The following SPTB variants were observed in gnomAD, a reference collection of about 807,000 sequenced individuals.
The protein encoded by SPTB is spectrin beta, erythrocytic.
Under a neutral mutation model 256.2 loss-of-function variants are expected in SPTB, and 45 were observed. The observed-to-expected ratio is 0.18, with a 90% CI of 0.14 to 0.23. The LOEUF (loss-of-function observed/expected upper bound fraction) is 0.23. Ranked by LOEUF, SPTB falls within the 10% of genes least tolerant of loss-of-function variation. The pLI, the probability that SPTB is intolerant of heterozygous loss-of-function variation, is 1.00. For missense variants in SPTB, 2,715 were observed against 3,040.4 expected, an observed-to-expected ratio of 0.89 and a Z score of 2.52; for synonymous variants, 1,231 against 1,243.1, an observed-to-expected ratio of 0.99 and a Z score of 0.21.
intron 7 of SPTB, among the ~76,000 whole-genome samples, 191 bp downstream of exon 7, chr14:64,801,094 C>T (rs971623768): frequency 6.6e-6 from 1 of 152,258 alleles, no homozygotes; most frequent in Non-Finnish European, 1.5e-5. Flanking sequence ...ACCAGGCAGG[C>T]ATGGGAACCA....
At position 64,823,749 on chromosome 14, in the gene SPTB, C is replaced by G. The variant is rs1488466108; in HGVS notation, c.-51-604G>C. Among the ~76,000 whole-genome samples the G allele has an allele frequency of 6.6e-6, 1 of 152,172 alleles. No homozygotes were observed. Among genetic ancestry groups the G allele is most frequent in the Non-Finnish European group, 1.5e-5 (1 of 68,030 alleles). On this transcript the variant is annotated intron_variant, in intron 1 of 35. Transcript: ENST00000644917. This position sits in a 1 kb window ranked among gnomAD's most constrained non-coding sequence, Gnocchi z 6.5. ...TTCTGAGAGCCCTCTGAGTTCCTTC[C>G]CAGCAGTTGGTATTCAGAAAGCTGA...
At chr14:64,870,136 A>G (rs984667262) in intron 1 of SPTB, among the ~76,000 whole-genome samples, 3 of 152,176 alleles carry the variant, frequency 2.0e-5, no homozygotes, top group Non-Finnish European at 4.4e-5. Context: ...AGGGTACTGT[A>G]AAAATACAAA....
At chr14:64,810,517 T>G (rs548077872) in intron 2 of SPTB, among the ~76,000 whole-genome samples, 1 of 152,198 alleles carries the variant, frequency 6.6e-6, no homozygotes, top group Admixed American at 6.5e-5. Context: ...CCGTCTCTAC[T>G]AAAAATATAA....
intron 1 of SPTB, among the ~76,000 whole-genome samples, chr14:64,836,505 A>G (rs922250948): frequency 6.6e-6 from 1 of 151,900 alleles, no homozygotes; most frequent in Non-Finnish European, 1.5e-5. Context: ...GTCAAGGCAA[A>G]ACAAAAAAAA....
chr14:64,774,913 G>A (rs2082334789), intron 23 of SPTB, among the ~76,000 whole-genome samples: 1 of 152,126 alleles, frequency 6.6e-6, no homozygotes. Context: ...AACCTAAGTG[G>A]GTAAACAGGA....
At chr14:64,776,253 T>C (rs1033379729) in intron 22 of SPTB, among the ~76,000 whole-genome samples, 1 of 152,194 alleles carries the variant, frequency 6.6e-6, no homozygotes, top group Non-Finnish European at 1.5e-5. Flanking sequence ...GGCCAGCATT[T>C]AAAATATGCA....
chr14:64,822,112 G>C (rs2139696871), intron 2 of SPTB, among the ~76,000 whole-genome samples: 1 of 151,858 alleles, frequency 6.6e-6, no homozygotes, highest in African/African-American at 2.4e-5. Context: ...GTGGGCTGCT[G>C]ACTGGTGGAT....
At chr14:64,766,705 C>G (rs1205508644) in intron 32 of SPTB, 21 bp downstream of exon 32, 1 of 1,613,500 alleles carries the variant, frequency 6.2e-7, no homozygotes, top group Non-Finnish European at 8.5e-7. Flanking sequence ...AGGAACTAGA[C>G]AAACGAGACC....
Position 64,765,805 on chromosome 14 carries a change from GGTGT to G in SPTB, c.6345+917_6345+920del, listed in dbSNP as rs71444677. ...TGGGATGGGACAGCTGAGTGATTGG[GGTGT>G]GTGTGTGTGTGAGTGTGTGTGTGTG... On this transcript the variant is annotated intron_variant, in intron 32 of 35. Transcript: ENST00000644917. 3.7e-4 allele frequency among the ~76,000 whole-genome samples: 55 copies of G among 149,166 alleles called. 2 individuals carry two copies. Among genetic ancestry groups the G allele is most frequent in the East Asian group, 9.8e-4 (5 of 5,098 alleles).
At chr14:64,750,227 C>T (rs1286551625) in intron 33 of SPTB, 73 bp from the exon 34 acceptor site, 2 of 1,479,436 alleles carry the variant, frequency 1.4e-6, no homozygotes, top group South Asian at 1.3e-5. Context: ...TATAGCTTCA[C>T]CATTAAAAAA....
chr14:64,820,970 G>T (rs750793617), intron 2 of SPTB, among the ~76,000 whole-genome samples: 2 of 151,926 alleles, frequency 1.3e-5, no homozygotes, highest in Non-Finnish European at 2.9e-5. Context: ...GAGCTACCAC[G>T]CCCGGCTTTG....
At position 64,823,515 on chromosome 14, in the gene SPTB, G is replaced by A. The variant is rs1453814847; in HGVS notation, c.-51-370C>T. Among the ~76,000 whole-genome samples, 2 of 152,186 alleles carry A rather than the reference G, an allele frequency of 1.3e-5. No homozygotes were observed. Among genetic ancestry groups the A allele is most frequent in the Non-Finnish European group, 2.9e-5 (2 of 68,030 alleles). ...AGCCAGAGGCAGCAGGGCACAAGCTGGGGAAAGCAACCCTCACCCTGAGGA... is the reference window on the plus strand; with the variant it reads ...AGCCAGAGGCAGCAGGGCACAAGCTAGGGAAAGCAACCCTCACCCTGAGGA... On this transcript the variant is annotated intron_variant, in intron 1 of 35. Transcript: ENST00000644917. This position sits in a 1 kb window ranked among gnomAD's most constrained non-coding sequence, Gnocchi z 6.5.
intron 28 of SPTB, 42 bp from the exon 29 acceptor site, chr14:64,769,160 C>T (rs755589992): frequency 1.3e-6 from 2 of 1,580,368 alleles, no homozygotes; most frequent in African/African-American, 1.3e-5. Context: ...TTGGCTCACC[C>T]TTCACCATCT....
chr14:64,758,734 G>C lies in SPTB; in HGVS notation c.6346-4941C>G, dbSNP rs58725048. 0.059 allele frequency among the ~76,000 whole-genome samples: 8,946 copies of C among 152,322 alleles called. 310 individuals carry two copies. The highest frequency in any genetic ancestry group is 0.06 in the Non-Finnish European group (4,104 of 68,022). ...CCAGGGAAAGTGCACAAACAGCAGAGAGCAAGCTGGAGGGATGGCCAGATG... is the reference window on the plus strand; with the variant it reads ...CCAGGGAAAGTGCACAAACAGCAGACAGCAAGCTGGAGGGATGGCCAGATG... On this transcript the variant is annotated intron_variant, in intron 32 of 35. Transcript: ENST00000644917. The surrounding 1 kb of genome is among the most constrained non-coding windows in gnomAD (Gnocchi z 4.6).
chr14:64,768,197 A>G (rs1019097463), intron 29 of SPTB: 4 of 388,356 alleles, frequency 1.0e-5, no homozygotes, highest in Non-Finnish European at 2.0e-5. Flanking sequence ...GTGCACCACC[A>G]TGCCCAGCTA....
rs1193435657 is a variant in SPTB, at chr14:64,746,355, G to T, written c.*2951C>A. 6.6e-6 allele frequency: 1 copy of T among 152,584 alleles called. No individual in the cohort carries two copies. The highest frequency in any genetic ancestry group is 1.5e-5 in the Non-Finnish European group (1 of 68,054). The allele number at this position is 152,584 out of a possible 1,614,324, so 9.5% of individuals were successfully genotyped here. A position where few individuals can be genotyped will look rare whatever the true frequency, so the allele number is the denominator to read the frequency against. ...GGTTGGTGGAAGCACGGTTGAGCAG[G>T]TGGAGGACAGGACCCAGCTGGCCCC... is the stretch of plus-strand genomic sequence containing the variant. On this transcript the variant is annotated 3_prime_UTR_variant, in exon 36 of 36. Coordinates refer to ENST00000644917, the MANE Select transcript of SPTB (RefSeq NM_001355436.2). This position sits in a 1 kb window ranked among gnomAD's most constrained non-coding sequence, Gnocchi z 4.9.
In SPTB at chr14:64,793,470, C is replaced by T. The variant is rs1566764550; in HGVS notation, c.2193G>A (p.Leu731=). The T allele has an allele frequency of 2.5e-5, 40 of 1,614,128 alleles. No individual in the cohort carries two copies. The highest frequency in any genetic ancestry group is 3.1e-5 in the Non-Finnish European group (37 of 1,180,036). Residue 731 remains leucine (L), a synonymous_variant, in exon 14 of 36, where the codon CTG becomes CTA. Transcript: ENST00000644917. This position sits in a 1 kb window ranked among gnomAD's most constrained non-coding sequence, Gnocchi z 7.0. ...VSAQWDQLKD[L]AAFCKKNLQD... ...GGAGGTTCTTCTTGCAGAAGGCAGC[C>T]AGGTCCTTCAGCTGGTCCCACTGTG...
chr14:64,867,914 A>G (rs974645301), intron 1 of SPTB, among the ~76,000 whole-genome samples: 7 of 151,832 alleles, frequency 4.6e-5, no homozygotes, highest in African/African-American at 1.7e-4. Flanking sequence ...AAGAGAAGAA[A>G]GATTCTAGGC....
At chr14:64,846,315 TAAAGACCCC>T (rs1317305819) in intron 1 of SPTB, among the ~76,000 whole-genome samples, 1 of 152,170 alleles carries the variant, frequency 6.6e-6, no homozygotes, top group African/African-American at 2.4e-5. Context: ...GGGGGGATTG[TAAAGACCCC>T]AAAGCTGGGT....
Sources: gnomAD v4.1 joint callset for allele counts (sites outside exome capture counted in the v4.1 genomes callset) on GRCh38, gnomAD v4.1.1 for gene constraint, Gnocchi (gnomAD v3.1) non-coding constraint, MANE v1.5 for transcripts, NCBI Gene and HGNC (gene_info 2026-07-23, HGNC 2026-07-21) for gene names.